The following MCTP1 variants were observed in gnomAD, a reference collection of about 807,000 sequenced individuals.
MCTP1 encodes the protein multiple C2 and transmembrane domain-containing protein 1.
A neutral mutation model predicts 120.6 loss-of-function variants in MCTP1; 69 were observed. The observed-to-expected ratio is 0.57, with a 90% CI of 0.47 to 0.70. The LOEUF (loss-of-function observed/expected upper bound fraction) is 0.70. MCTP1 is among the 30% of genes least tolerant of loss of function. The probability of loss-of-function intolerance (pLI) is 0.00; values close to 1 mark genes in which losing one functional copy is unlikely to be tolerated. For missense variants in MCTP1, 1,203 were observed against 1,248.8 expected (o/e 0.96, Z 0.55); for synonymous variants, 529 against 493.1 (o/e 1.07, Z -0.96).
At chr5:94,762,667 A>ACT (rs1771625343) in intron 19 of MCTP1, among the ~76,000 whole-genome samples, 2 of 152,216 alleles carry the variant, frequency 1.3e-5, no homozygotes, top group Admixed American at 6.5e-5. Context: ...TACATGGGTC[A>ACT]ACAGGCTTTG....
At chr5:94,725,381 T>C (rs936224803) in intron 19 of MCTP1, among the ~76,000 whole-genome samples, 7 of 152,192 alleles carry the variant, frequency 4.6e-5, no homozygotes, top group African/African-American at 1.2e-4. Flanking sequence ...TAGTTAAAGC[T>C]TGAGTGAGAA....
chr5:95,192,597 G>A (rs1168095960), intron 1 of MCTP1, among the ~76,000 whole-genome samples: 1 of 151,974 alleles, frequency 6.6e-6, no homozygotes, highest in Non-Finnish European at 1.5e-5. Context: ...TTAAGATCAA[G>A]GAGGTAAGTT....
At chr5:95,198,150 C>CA (rs1750602659) in intron 1 of MCTP1, among the ~76,000 whole-genome samples, 3 of 151,782 alleles carry the variant, frequency 2.0e-5, no homozygotes, top group African/African-American at 7.3e-5. Flanking sequence ...TACATATATG[C>CA]ACACACACAT....
At chr5:95,195,301 C>A (rs1427077017) in intron 1 of MCTP1, among the ~76,000 whole-genome samples, 1 of 152,118 alleles carries the variant, frequency 6.6e-6, no homozygotes, top group Non-Finnish European at 1.5e-5. Context: ...GCCATATCTG[C>A]TTTCTATTTC....
chr5:95,194,108 C>T (rs981188583), intron 1 of MCTP1, among the ~76,000 whole-genome samples: 13 of 151,932 alleles, frequency 8.6e-5, no homozygotes, highest in Admixed American at 4.6e-4. Flanking sequence ...CCTAACTCCT[C>T]GGGAGGTTGA....
At chr5:94,926,575 GT>G (rs1359806499) in intron 6 of MCTP1, among the ~76,000 whole-genome samples, 2 of 151,988 alleles carry the variant, frequency 1.3e-5, no homozygotes, top group African/African-American at 4.8e-5. Flanking sequence ...ATTATAAATC[GT>G]TTCACTGTAT....
At chr5:95,270,543 C>T (rs448433) in intron 1 of MCTP1, among the ~76,000 whole-genome samples, 130,515 of 152,222 alleles carry the variant, frequency 0.86, 56,082 homozygotes, top group African/African-American at 0.92. Context: ...AGGCCAGAGG[C>T]GAGATGGCAC....
At chr5:95,114,348 T>C (rs974610830) in intron 1 of MCTP1, among the ~76,000 whole-genome samples, 1 of 152,214 alleles carries the variant, frequency 6.6e-6, no homozygotes, top group Non-Finnish European at 1.5e-5. Context: ...AAGCAGGCTA[T>C]TGGGGTCACC....
At chr5:95,040,492 T>G (rs1478482411) in intron 1 of MCTP1, among the ~76,000 whole-genome samples, 1 of 151,250 alleles carries the variant, frequency 6.6e-6, no homozygotes, top group Non-Finnish European at 1.5e-5. Context: ...TTGGGCTAAG[T>G]GCTCCCTGAG....
chr5:95,087,521 T>C (rs1470026434), intron 1 of MCTP1, among the ~76,000 whole-genome samples: 1 of 152,194 alleles, frequency 6.6e-6, no homozygotes, highest in Non-Finnish European at 1.5e-5. Flanking sequence ...GCTAGATCTC[T>C]GGATTTTTTC....
chr5:94,734,813 GCTT>G (rs1364728353), intron 19 of MCTP1, among the ~76,000 whole-genome samples: 1 of 152,046 alleles, frequency 6.6e-6, no homozygotes, highest in East Asian at 1.9e-4. Flanking sequence ...ATATTTCCAT[GCTT>G]TTTTTTCTTA....
At chr5:94,941,720 C>T (rs1288276213) in intron 4 of MCTP1, among the ~76,000 whole-genome samples, 1 of 151,886 alleles carries the variant, frequency 6.6e-6, no homozygotes, top group Non-Finnish European at 1.5e-5. Context: ...ATTCTTAGTT[C>T]CTATGTTGAA....
In MCTP1 at chr5:95,066,827, G is replaced by T. The variant is rs560393880; in HGVS notation, c.721-49343C>A. ...AGAAAGTGCAGTGGGGACCGGGGGC[G>T]GAGCGGGGATGGTTTTGAAATGAAA... On this transcript the variant is annotated intron_variant, in intron 1 of 22. Coordinates refer to ENST00000515393, the MANE Select transcript of MCTP1 (RefSeq NM_024717.7). Among the ~76,000 whole-genome samples, 3 of 152,244 alleles carry T rather than the reference G, an allele frequency of 2.0e-5. No homozygotes were observed. In the East Asian group the frequency reaches 5.8e-4, roughly 29 times the overall value.
At chr5:94,733,485 G>T (rs957476118) in intron 19 of MCTP1, among the ~76,000 whole-genome samples, 1 of 152,208 alleles carries the variant, frequency 6.6e-6, no homozygotes, top group Non-Finnish European at 1.5e-5. Flanking sequence ...TCGCTGGGGT[G>T]TTAGGATGGT....
intron 1 of MCTP1, among the ~76,000 whole-genome samples, chr5:95,214,946 A>G (rs1168621805): frequency 6.6e-6 from 1 of 152,046 alleles, no homozygotes; most frequent in African/African-American, 2.4e-5. Flanking sequence ...GCACACCAAC[A>G]TGGCACATGT....
intron 17 of MCTP1, among the ~76,000 whole-genome samples, chr5:94,807,936 T>C (rs1561670076): frequency 1.3e-5 from 2 of 152,222 alleles, no homozygotes; most frequent in Non-Finnish European, 2.9e-5. Flanking sequence ...AAGCTAGGTA[T>C]ATTTCCTATG....
chr5:95,097,104 A>C (rs1462223776), intron 1 of MCTP1, among the ~76,000 whole-genome samples: 2 of 152,144 alleles, frequency 1.3e-5, no homozygotes, highest in Non-Finnish European at 2.9e-5. Flanking sequence ...TATATATTAA[A>C]TTTTTAAAAA....
At chr5:94,750,593 T>A (rs576347757) in intron 19 of MCTP1, among the ~76,000 whole-genome samples, 2 of 152,192 alleles carry the variant, frequency 1.3e-5, no homozygotes, top group Admixed American at 6.5e-5. Context: ...ACATGGTGAC[T>A]GGCAGTATTT....
At chr5:94,884,514 T>C (rs1331436785) in intron 12 of MCTP1, among the ~76,000 whole-genome samples, 1 of 151,078 alleles carries the variant, frequency 6.6e-6, no homozygotes, top group African/African-American at 2.4e-5. Flanking sequence ...ACCTCATGAG[T>C]TGAACGGTTC....
Sources: gnomAD v4.1 joint callset for allele counts (sites outside exome capture counted in the v4.1 genomes callset) on GRCh38, gnomAD v4.1.1 for gene constraint, MANE v1.5 for transcripts, NCBI Gene and HGNC (gene_info 2026-07-23, HGNC 2026-07-21) for gene names.